Variants in FHIT observed in about 807,000 individuals in gnomAD.
FHIT encodes the protein bis(5'-adenosyl)-triphosphatase.
FHIT carries 19 observed loss-of-function variants against 17.9 expected under a neutral mutation model. The observed-to-expected ratio is 1.06, with a 90% CI of 0.74 to 1.56. The LOEUF (loss-of-function observed/expected upper bound fraction) is 1.56. Among genes scored for constraint, FHIT ranks in the 40% most tolerant of loss-of-function variants. The pLI is 0.00. For synonymous variants in FHIT, 81 were observed against 69.7 expected, an observed-to-expected ratio of 1.16 and a Z score of -0.81; for missense variants, 248 against 189.2, an observed-to-expected ratio of 1.31 and a Z score of -1.82.
chr3:59,937,111 G>C (rs562034189), intron 7 of FHIT, among the ~76,000 whole-genome samples: 121 of 152,260 alleles, frequency 7.9e-4, no homozygotes, highest in African/African-American at 2.8e-3. Context: ...TTTTCAGTGT[G>C]TTATTTCTTA....
intron 7 of FHIT, among the ~76,000 whole-genome samples, chr3:60,010,531 C>T (rs1700099740): frequency 6.6e-6 from 1 of 152,192 alleles, no homozygotes; most frequent in South Asian, 2.1e-4. Flanking sequence ...CCACTCACAG[C>T]TAGTCTTCGA....
rs984757 is a variant in FHIT at position 60,370,116 on chromosome 3, C to G, written c.103+166744G>C. ...ATTCCTCACACCTGGTGCCATTTTA[C>G]TCATAATATGTAAAAGGAAGAGCTG... On this transcript the variant is annotated intron_variant, in intron 5 of 9. Coordinates refer to ENST00000492590, the MANE Select transcript of FHIT (RefSeq NM_002012.4). Among the ~76,000 whole-genome samples the G allele has an allele frequency of 3.3e-5, 5 of 152,000 alleles. No homozygotes were observed. The East Asian group carries it at 9.7e-4, about 29-fold the overall frequency.
intron 5 of FHIT, among the ~76,000 whole-genome samples, chr3:60,389,510 T>C (rs1160010491): frequency 1.3e-5 from 2 of 152,174 alleles, no homozygotes; most frequent in Admixed American, 1.3e-4. Context: ...TAACAGCTTC[T>C]AAAATGAGTG....
intron 2 of FHIT, among the ~76,000 whole-genome samples, chr3:61,119,751 C>G (rs1305171273): frequency 6.6e-6 from 1 of 152,232 alleles, no homozygotes; most frequent in Non-Finnish European, 1.5e-5. Context: ...AATTTGCTCT[C>G]TCTTATGGAG....
chr3:59,920,503 C>G (rs971705442), intron 8 of FHIT, among the ~76,000 whole-genome samples: 1 of 152,160 alleles, frequency 6.6e-6, no homozygotes, highest in Non-Finnish European at 1.5e-5. Context: ...ATACACCAAC[C>G]ACAGCACTGT....
chr3:60,144,082 T>C (rs1325447964), intron 5 of FHIT, among the ~76,000 whole-genome samples: 1 of 152,190 alleles, frequency 6.6e-6, no homozygotes, highest in Non-Finnish European at 1.5e-5. Context: ...TTCAAATGTG[T>C]GCTTTATTCA....
intron 8 of FHIT, among the ~76,000 whole-genome samples, chr3:59,864,845 A>AG (rs1702571133): frequency 6.6e-6 from 1 of 151,930 alleles, no homozygotes; most frequent in Non-Finnish European, 1.5e-5. Context: ...AAAAAAAAAA[A>AG]CATTTTGCAT....
rs779818969 is a variant in FHIT, at chr3:60,048,796, G to A, written c.104-34644C>T. On this transcript the variant is annotated intron_variant, in intron 5 of 9. Coordinates refer to ENST00000492590, the MANE Select transcript of FHIT (RefSeq NM_002012.4). ...GATCTTTTTCACCGTGATGCCCTCC[G>A]ATGACATTAACTGTGGTAGTAACCA... Among the ~76,000 whole-genome samples, 18 of 152,288 alleles carry A rather than the reference G, an allele frequency of 1.2e-4. No homozygotes were observed. In the East Asian group the frequency reaches 2.3e-3, roughly 20 times the overall value.
At chr3:60,371,784 G>A (rs954682837) in intron 5 of FHIT, among the ~76,000 whole-genome samples, 1 of 151,528 alleles carries the variant, frequency 6.6e-6, no homozygotes, top group Non-Finnish European at 1.5e-5. Context: ...GAAGTAAAGA[G>A]AGAGAGCAAT....
At chr3:60,449,999 C>CAAA (rs35302096) in intron 5 of FHIT, among the ~76,000 whole-genome samples, 17 of 65,054 alleles carry the variant, frequency 2.6e-4, no homozygotes, top group African/African-American at 8.5e-4. Flanking sequence ...TAGACTCTGT[C>CAAA]AAAAAAAAAA....
intron 2 of FHIT, among the ~76,000 whole-genome samples, chr3:61,062,164 TA>T (rs1472831287): frequency 1.3e-5 from 2 of 152,196 alleles, no homozygotes; most frequent in African/African-American, 4.8e-5. Context: ...AAATAGTTAA[TA>T]GTTCCAAACT....
At chr3:60,391,273 A>G (rs1246028331) in intron 5 of FHIT, among the ~76,000 whole-genome samples, 1 of 152,136 alleles carries the variant, frequency 6.6e-6, no homozygotes, top group Non-Finnish European at 1.5e-5. Context: ...AGAAAGAAAA[A>G]TATGTTTAAA....
At chr3:60,817,234 A>G (rs1701774607) in intron 4 of FHIT, among the ~76,000 whole-genome samples, 1 of 152,074 alleles carries the variant, frequency 6.6e-6, no homozygotes. Flanking sequence ...AGACAATGTT[A>G]TAATTTTTGC....
chr3:60,345,360 G>A (rs1710723788), intron 5 of FHIT, among the ~76,000 whole-genome samples: 1 of 152,126 alleles, frequency 6.6e-6, no homozygotes, highest in Non-Finnish European at 1.5e-5. Flanking sequence ...ACAGCTTACT[G>A]TCAAGGAATC....
intron 5 of FHIT, among the ~76,000 whole-genome samples, chr3:60,231,467 C>G (rs1704493170): frequency 1.3e-5 from 2 of 152,200 alleles, no homozygotes; most frequent in African/African-American, 4.8e-5. Flanking sequence ...GGGTAACCAA[C>G]AACCTGACTT....
At chr3:61,049,106 C>T (rs1253459756) in intron 2 of FHIT, among the ~76,000 whole-genome samples, 1 of 151,118 alleles carries the variant, frequency 6.6e-6, no homozygotes, top group Non-Finnish European at 1.5e-5. Context: ...GCACATGTAC[C>T]GTAGAACTTA....
intron 8 of FHIT, among the ~76,000 whole-genome samples, chr3:59,876,041 A>C (rs1009833372): frequency 1.3e-5 from 2 of 152,172 alleles, no homozygotes; most frequent in African/African-American, 2.4e-5. Context: ...ACAGAAATCA[A>C]AAAGAATCAT....
At chr3:60,163,746 A>G (rs1701038698) in intron 5 of FHIT, among the ~76,000 whole-genome samples, 1 of 152,210 alleles carries the variant, frequency 6.6e-6, no homozygotes, top group East Asian at 1.9e-4. Flanking sequence ...AAAGTTTAGC[A>G]GCATTCACTA....
At chr3:61,240,268 A>C (rs1205954535) in intron 1 of FHIT, among the ~76,000 whole-genome samples, 1 of 152,168 alleles carries the variant, frequency 6.6e-6, no homozygotes, top group Non-Finnish European at 1.5e-5. Flanking sequence ...CTAGTGTCAC[A>C]TCCCTCTTCT....
Sources: gnomAD v4.1 joint callset for allele counts (sites outside exome capture counted in the v4.1 genomes callset) on GRCh38, gnomAD v4.1.1 for gene constraint, MANE v1.5 for transcripts, NCBI Gene and HGNC (gene_info 2026-07-23, HGNC 2026-07-21) for gene names.